EPHA4: variants seen among roughly 807,000 people sequenced by gnomAD.
The protein encoded by EPHA4 is ephrin type-A receptor 4.
Under a neutral mutation model 108.3 loss-of-function variants are expected in EPHA4, and 19 were observed. The ratio of observed to expected loss-of-function variants is 0.18; its 90% CI spans 0.12 to 0.26. EPHA4 has a LOEUF of 0.26. EPHA4 is among the 10% of genes least tolerant of loss of function. The pLI is 1.00. For missense variants in EPHA4, 917 were observed against 1,254.0 expected, an observed-to-expected ratio of 0.73 and a Z score of 4.06; for synonymous variants, 449 against 455.5, an observed-to-expected ratio of 0.99 and a Z score of 0.18.
chr2:221,492,332 A>G (rs1692169663), intron 4 of EPHA4, among the ~76,000 whole-genome samples: 1 of 152,166 alleles, frequency 6.6e-6, no homozygotes, highest in African/African-American at 2.4e-5. Flanking sequence ...AATGGGGAGT[A>G]TGTGGGGAAA....
rs528530710 is a variant in EPHA4 at position 221,523,372 on chromosome 2, C to T, written c.824-22200G>A. On this transcript the variant is annotated intron_variant, in intron 3 of 17. Transcript: ENST00000281821. ...GCACGATCTCGGCTCACCACAACCT[C>T]CGCCTCCCAAGTTCAAGCAATTCTC... 2.0e-5 allele frequency among the ~76,000 whole-genome samples: 3 copies of T among 152,122 alleles called. No homozygotes were observed. The South Asian group carries it at 6.2e-4, about 32-fold the overall frequency.
chr2:221,561,102 C>T (rs1340839274), intron 3 of EPHA4, among the ~76,000 whole-genome samples: 1 of 151,902 alleles, frequency 6.6e-6, no homozygotes, highest in Non-Finnish European at 1.5e-5. Flanking sequence ...ATTAGCCAGG[C>T]GTGGTGGCGG....
intron 3 of EPHA4, among the ~76,000 whole-genome samples, chr2:221,543,832 A>T (rs1693906985): frequency 6.6e-6 from 1 of 152,208 alleles, no homozygotes; most frequent in African/African-American, 2.4e-5. Flanking sequence ...CGGGGGTGGA[A>T]GCTTTAGGAT....
chr2:221,465,376 A>G (rs1691277782), intron 5 of EPHA4, among the ~76,000 whole-genome samples: 1 of 152,164 alleles, frequency 6.6e-6, no homozygotes, highest in Non-Finnish European at 1.5e-5. Context: ...TGGGCAACGG[A>G]TTATTTTCAA....
At chr2:221,444,409 C>G (rs950107783) in intron 9 of EPHA4, among the ~76,000 whole-genome samples, 2 of 152,064 alleles carry the variant, frequency 1.3e-5, no homozygotes, top group Non-Finnish European at 2.9e-5. Context: ...CCTCCTGGAG[C>G]TGTTGGGGCA....
intron 15 of EPHA4, among the ~76,000 whole-genome samples, chr2:221,427,406 A>T (rs1689945632): frequency 6.6e-6 from 1 of 152,222 alleles, no homozygotes; most frequent in African/African-American, 2.4e-5. Flanking sequence ...AAGCAATTAC[A>T]GGCTGGAATT....
rs575625907 is a variant in EPHA4, at chr2:221,437,723, C to A, written c.2075-601G>T. Reference sequence around the variant, plus strand: ...GGTCAGGAGTTCGAGACAAGCCTGGCCAACATGGTGAAACCCCGTTTCTAC... The same window carrying A: ...GGTCAGGAGTTCGAGACAAGCCTGGACAACATGGTGAAACCCCGTTTCTAC... On this transcript the variant is annotated intron_variant, in intron 11 of 17. Coordinates refer to ENST00000281821, the MANE Select transcript of EPHA4 (RefSeq NM_004438.5). Among the ~76,000 whole-genome samples, 100 of 147,828 alleles carry A rather than the reference C, an allele frequency of 6.8e-4. 1 individual carries two copies. The highest frequency in any genetic ancestry group is 2.4e-3 in the African/African-American group (95 of 39,708).
chr2:221,512,979 C>A (rs921908505), intron 3 of EPHA4, among the ~76,000 whole-genome samples: 1 of 152,130 alleles, frequency 6.6e-6, no homozygotes, highest in Non-Finnish European at 1.5e-5. Context: ...ATGCACCTAA[C>A]CCAGGCTGTC....
intron 3 of EPHA4, among the ~76,000 whole-genome samples, chr2:221,530,576 G>C (rs1693478361): frequency 6.6e-6 from 1 of 152,168 alleles, no homozygotes; most frequent in Non-Finnish European, 1.5e-5. Flanking sequence ...AGGGGGACTG[G>C]GGGCCCATGG....
chr2:221,561,423 AG>A (rs1694461023), intron 3 of EPHA4, among the ~76,000 whole-genome samples: 1 of 152,176 alleles, frequency 6.6e-6, no homozygotes. Flanking sequence ...TTTTATTAGC[AG>A]AAAAAAAAGC....
intron 3 of EPHA4, among the ~76,000 whole-genome samples, chr2:221,521,980 A>G (rs112977194): frequency 0.035 from 5,310 of 152,252 alleles, 148 homozygotes; most frequent in South Asian, 0.089. Flanking sequence ...CCATCTCAAT[A>G]AATTAAAAAC....
rs547071892 is a variant in EPHA4 at position 221,421,381 on chromosome 2, C to T, written c.*820-829G>A. Among the ~76,000 whole-genome samples the T allele has an allele frequency of 1.1e-4, 16 of 152,180 alleles. No homozygotes were observed. The South Asian group carries it at 3.3e-3, about 32-fold the overall frequency. ...GTGGTTTTTCTTAACAAGAGAGTAA[C>T]TCCTGATAAATAGAAGTATCTAATC... On this transcript the variant is annotated intron_variant, in intron 17 of 17. Transcript: ENST00000281821.
At chr2:221,429,770 G>A (rs554153470) in intron 15 of EPHA4, among the ~76,000 whole-genome samples, 188 bp downstream of exon 15, 1 of 152,128 alleles carries the variant, frequency 6.6e-6, no homozygotes, top group South Asian at 2.1e-4. Flanking sequence ...TGCCTGACAG[G>A]TATTAGTTAT....
Position 221,563,987 on chromosome 2 carries a change from C to G in EPHA4, c.567G>C (p.Gly189=). Residue 189 remains glycine, a synonymous_variant, in exon 3 of 18, where the codon GGG becomes GGC. Coordinates refer to ENST00000281821, the MANE Select transcript of EPHA4 (RefSeq NM_004438.5). ...KGFYLAFQDV[G]ACIALVSVRV... is the part of the protein sequence containing the mutation. ...GGACTGATACCAGGGCGATGCAGGC[C>G]CCCACATCCTGAAAAGCCAGGTAAA... 1 of 1,613,970 alleles carries G rather than the reference C, an allele frequency of 6.2e-7. No homozygotes were observed. The highest frequency in any genetic ancestry group is 8.5e-7 in the Non-Finnish European group (1 of 1,180,010).
chr2:221,458,138 G>A, intron 5 of EPHA4, 148 bp from the exon 6 acceptor site: 2 of 936,082 alleles, frequency 2.1e-6, no homozygotes, highest in Non-Finnish European at 3.1e-6. Flanking sequence ...CAGTATAGAA[G>A]CATATCATTT....
intron 4 of EPHA4, among the ~76,000 whole-genome samples, chr2:221,500,263 T>C (rs1402594856): frequency 6.6e-6 from 1 of 152,154 alleles, no homozygotes; most frequent in Non-Finnish European, 1.5e-5. Flanking sequence ...GTGTCTGACC[T>C]GAGCCATGAG....
chr2:221,486,350 C>T (rs927292783), intron 4 of EPHA4, among the ~76,000 whole-genome samples: 1 of 152,078 alleles, frequency 6.6e-6, no homozygotes, highest in Non-Finnish European at 1.5e-5. Flanking sequence ...ATTTCCTTTC[C>T]TGCTTTGTTT....
chr2:221,469,802 A>G (rs879907404), intron 5 of EPHA4, among the ~76,000 whole-genome samples: 4 of 152,172 alleles, frequency 2.6e-5, no homozygotes, highest in African/African-American at 4.8e-5. Flanking sequence ...AGGTGACCTA[A>G]AGACAGAAAG....
chr2:221,542,289 T>C (rs1457470510), intron 3 of EPHA4, among the ~76,000 whole-genome samples: 3 of 152,218 alleles, frequency 2.0e-5, no homozygotes, highest in East Asian at 3.9e-4. Flanking sequence ...TAGTCCATGG[T>C]GTATAAGTTA....
Sources: allele counts gnomAD v4.1 joint callset (sites outside exome capture counted in the v4.1 genomes callset), GRCh38; gene constraint gnomAD v4.1.1; transcripts MANE v1.5; gene names NCBI Gene and HGNC (gene_info 2026-07-23, HGNC 2026-07-21).